Variants in TMEM132B observed in about 807,000 individuals in gnomAD.
TMEM132B encodes transmembrane protein 132B.
Under a neutral mutation model 90.8 loss-of-function variants are expected in TMEM132B, and 18 were observed. The observed-to-expected ratio is 0.20, with a 90% confidence interval of 0.14 to 0.29. TMEM132B has a LOEUF of 0.29. TMEM132B is among the 10% of genes least tolerant of loss of function. The pLI, the probability that TMEM132B is intolerant of heterozygous loss-of-function variation, is 1.00. For missense variants in TMEM132B, 1,096 were observed against 1,326.8 expected, an observed-to-expected ratio of 0.83 and a Z score of 2.70; for synonymous variants, 504 against 523.3, an observed-to-expected ratio of 0.96 and a Z score of 0.50.
intron 2 of TMEM132B, among the ~76,000 whole-genome samples, chr12:125,389,013 TACACACACACACACACACACAC>T (rs71447042): frequency 1.1e-4 from 16 of 140,192 alleles, no homozygotes; most frequent in African/African-American, 4.2e-4. Context: ...ATATTTTCTG[TACACACACACACACACACACAC>T]ACACACACAC....
chr12:125,494,558 T>C (rs1279815514), intron 3 of TMEM132B, among the ~76,000 whole-genome samples: 3 of 103,464 alleles, frequency 2.9e-5, no homozygotes, highest in Admixed American at 1.1e-4. Flanking sequence ...CTCCCTCTCC[T>C]CCCTGGAAGA....
intron 3 of TMEM132B, among the ~76,000 whole-genome samples, chr12:125,468,400 C>A (rs1593161141): frequency 1.3e-5 from 2 of 152,154 alleles, no homozygotes; most frequent in East Asian, 3.8e-4. Context: ...GAAGGATGAA[C>A]AGATTTTGAC....
At chr12:125,385,580 G>A (rs568736017) in intron 2 of TMEM132B, among the ~76,000 whole-genome samples, 1 of 152,246 alleles carries the variant, frequency 6.6e-6, no homozygotes, top group African/African-American at 2.4e-5. Context: ...AATTTGTGTT[G>A]GACAAAGACC....
At chr12:125,228,711 C>G (rs987633032) in intron 1 of TMEM132B, among the ~76,000 whole-genome samples, 23 of 152,114 alleles carry the variant, frequency 1.5e-4, no homozygotes, top group African/African-American at 5.6e-4. Flanking sequence ...CTACCCACAG[C>G]GGCCGACCCC....
chr12:125,211,447 C>G (rs188432381), intron 1 of TMEM132B, among the ~76,000 whole-genome samples: 19 of 152,286 alleles, frequency 1.2e-4, no homozygotes, highest in Admixed American at 1.0e-3. Context: ...CTGTGGGCTT[C>G]CTGGGGCACA....
intron 3 of TMEM132B, among the ~76,000 whole-genome samples, chr12:125,516,048 C>A (rs1245091641): frequency 6.6e-6 from 1 of 151,954 alleles, no homozygotes; most frequent in Non-Finnish European, 1.5e-5. Context: ...CACATTCACG[C>A]ATTCTCTCAC....
chr12:125,202,932 C>A (rs1256953292), intron 1 of TMEM132B, among the ~76,000 whole-genome samples: 1 of 152,132 alleles, frequency 6.6e-6, no homozygotes, highest in African/African-American at 2.4e-5. Flanking sequence ...CAACACATTT[C>A]TTTTTCTTAA....
chr12:125,509,038 C>A (rs770106422), intron 3 of TMEM132B, among the ~76,000 whole-genome samples: 4 of 152,082 alleles, frequency 2.6e-5, no homozygotes, highest in Non-Finnish European at 4.4e-5. Flanking sequence ...CCCGCCTCGG[C>A]CTCTCAACAT....
At chr12:125,199,200 T>C (rs1006270324) in intron 1 of TMEM132B, among the ~76,000 whole-genome samples, 10 of 152,156 alleles carry the variant, frequency 6.6e-5, no homozygotes, top group African/African-American at 2.2e-4. Flanking sequence ...TTTTGCATAA[T>C]TTTACAAGTG....
chr12:125,626,419 G>A (rs1036854540), intron 5 of TMEM132B, among the ~76,000 whole-genome samples: 2 of 152,128 alleles, frequency 1.3e-5, no homozygotes, highest in African/African-American at 4.8e-5. Flanking sequence ...GGGATTGCTG[G>A]ATCATATGGT....
intron 3 of TMEM132B, among the ~76,000 whole-genome samples, chr12:125,417,902 G>A (rs975544454): frequency 2.0e-5 from 3 of 152,228 alleles, no homozygotes; most frequent in Non-Finnish European, 2.9e-5. Flanking sequence ...AGCCAGCCCT[G>A]AACCAGGGGT....
intron 3 of TMEM132B, among the ~76,000 whole-genome samples, chr12:125,440,685 A>G (rs1393759711): frequency 6.6e-6 from 1 of 152,186 alleles, no homozygotes; most frequent in Non-Finnish European, 1.5e-5. Flanking sequence ...TTCAGTTGCA[A>G]TCTCCAATAT....
chr12:125,351,843 T>A (rs1360851414), intron 2 of TMEM132B, among the ~76,000 whole-genome samples: 1 of 152,226 alleles, frequency 6.6e-6, no homozygotes, highest in Non-Finnish European at 1.5e-5. Flanking sequence ...TGGATTCATC[T>A]GCTATTATGG....
At chr12:125,431,884 C>G (rs1880519749) in intron 3 of TMEM132B, among the ~76,000 whole-genome samples, 1 of 152,146 alleles carries the variant, frequency 6.6e-6, no homozygotes, top group South Asian at 2.1e-4. Flanking sequence ...CAGTCTGAAG[C>G]CTGGGGACTC....
intron 5 of TMEM132B, among the ~76,000 whole-genome samples, chr12:125,596,438 A>G (rs534013051): frequency 1.3e-5 from 2 of 152,300 alleles, no homozygotes; most frequent in East Asian, 3.9e-4. Context: ...TGTTCTGACT[A>G]CATTTTCTAA....
intron 1 of TMEM132B, among the ~76,000 whole-genome samples, chr12:125,282,438 A>G (rs1412035809): frequency 1.3e-5 from 2 of 152,046 alleles, no homozygotes; most frequent in African/African-American, 4.8e-5. Flanking sequence ...TTCCACAACC[A>G]AAGGATGCCA....
At chr12:125,250,550 G>A (rs756931228) in intron 1 of TMEM132B, among the ~76,000 whole-genome samples, 5 of 152,146 alleles carry the variant, frequency 3.3e-5, no homozygotes, top group Non-Finnish European at 7.3e-5. Flanking sequence ...TGGAAACTTC[G>A]CTCAGGCTTA....
At position 125,522,321 on chromosome 12, in the gene TMEM132B, G is replaced by A. The variant is rs147685169; in HGVS notation, c.1293+2696G>A. On this transcript the variant is annotated intron_variant, in intron 4 of 8. Transcript: ENST00000682704. ...CAGCCATAAGAAAGAATGTGAACAC[G>A]GAAAGTTTAAAATAGAGAATTGTTA... is the stretch of plus-strand genomic sequence containing the variant. 2.1e-4 allele frequency among the ~76,000 whole-genome samples: 32 copies of A among 152,298 alleles called. No individual in the cohort carries two copies. In the East Asian group the frequency reaches 4.1e-3, roughly 19 times the overall value.
At chr12:125,457,116 G>A (rs1881312152) in intron 3 of TMEM132B, among the ~76,000 whole-genome samples, 1 of 152,140 alleles carries the variant, frequency 6.6e-6, no homozygotes, top group South Asian at 2.1e-4. Flanking sequence ...GGCTCAGGGG[G>A]GCTGTTTATT....
Sources: allele counts gnomAD v4.1 joint callset (sites outside exome capture counted in the v4.1 genomes callset), GRCh38; gene constraint gnomAD v4.1.1; transcripts MANE v1.5; gene names NCBI Gene and HGNC (gene_info 2026-07-23, HGNC 2026-07-21).